Variants in SGCD observed in about 807,000 individuals in gnomAD.
SGCD encodes the protein sarcoglycan delta, also known as delta-sarcoglycan.
A neutral mutation model predicts 36.6 loss-of-function variants in SGCD; 18 were observed. The observed-to-expected ratio is 0.49, with a 90% CI of 0.34 to 0.73. The LOEUF is 0.73. Ranked by LOEUF, SGCD falls within the 30% of genes least tolerant of loss-of-function variation. The probability of loss-of-function intolerance (pLI) is 0.01; values close to 1 mark genes in which losing one functional copy is unlikely to be tolerated. For missense variants in SGCD, 387 were observed against 346.7 expected, an observed-to-expected ratio of 1.12 and a Z score of -0.92; for synonymous variants, 133 against 130.6, an observed-to-expected ratio of 1.02 and a Z score of -0.12.
At chr5:156,119,030 A>G (rs1335236254) in intron 2 of SGCD, among the ~76,000 whole-genome samples, 1 of 152,148 alleles carries the variant, frequency 6.6e-6, no homozygotes, top group Admixed American at 6.6e-5. Flanking sequence ...ACTGAGGCTG[A>G]CCACCTGTGG....
At chr5:156,682,895 G>A (rs1293521167) in intron 7 of SGCD, among the ~76,000 whole-genome samples, 2 of 152,218 alleles carry the variant, frequency 1.3e-5, no homozygotes, top group Admixed American at 1.3e-4. Flanking sequence ...TGGGCATTAA[G>A]CAAAGCTGAT....
intron 1 of SGCD, among the ~76,000 whole-genome samples, chr5:155,896,194 G>A (rs900155365): frequency 6.6e-6 from 1 of 152,172 alleles, no homozygotes; most frequent in African/African-American, 2.4e-5. Context: ...AGGAGAGAAT[G>A]TGCTGGAATG....
intron 3 of SGCD, among the ~76,000 whole-genome samples, chr5:156,445,812 G>A (rs974409112): frequency 2.6e-5 from 4 of 151,760 alleles, no homozygotes; most frequent in South Asian, 2.1e-4. Context: ...ACACACACAC[G>A]CACATGCACA....
At chr5:156,515,082 C>T (rs944296044) in intron 4 of SGCD, among the ~76,000 whole-genome samples, 8 of 152,064 alleles carry the variant, frequency 5.3e-5, no homozygotes, top group African/African-American at 1.7e-4. Context: ...TTATTACTCT[C>T]AAAGAAAACC....
chr5:156,155,116 C>T (rs1353485872), intron 3 of SGCD, among the ~76,000 whole-genome samples: 1 of 151,716 alleles, frequency 6.6e-6, no homozygotes, highest in Admixed American at 6.6e-5. Flanking sequence ...CTGCTGCTCT[C>T]TGGGACCAGG....
At chr5:156,077,454 T>C (rs557771966) in intron 1 of SGCD, among the ~76,000 whole-genome samples, 1 of 152,184 alleles carries the variant, frequency 6.6e-6, no homozygotes, top group African/African-American at 2.4e-5. Context: ...AATATTAAAT[T>C]TATCTTTATC....
the SGCD span, among the ~76,000 whole-genome samples, chr5:155,820,378 G>C: frequency 3.3e-5 from 5 of 152,112 alleles, no homozygotes; most frequent in South Asian, 2.1e-4. Flanking sequence ...TGTATGTACT[G>C]TCCGGGTGCA....
At chr5:156,436,111 G>C (rs965668529) in intron 3 of SGCD, among the ~76,000 whole-genome samples, 1 of 152,088 alleles carries the variant, frequency 6.6e-6, no homozygotes, top group African/African-American at 2.4e-5. Context: ...GTCACTCACC[G>C]GGCCACAGTT....
intron 3 of SGCD, among the ~76,000 whole-genome samples, chr5:156,249,293 G>A (rs1019426870): frequency 6.6e-6 from 1 of 152,184 alleles, no homozygotes; most frequent in Non-Finnish European, 1.5e-5. Context: ...GGCAGAGTGA[G>A]ATATTATGGA....
At position 155,999,095 on chromosome 5, in the gene SGCD, C is replaced by T. The variant is rs116205209; in HGVS notation, c.-281-118783C>T. On this transcript the variant is annotated intron_variant, in intron 1 of 9. Transcript: ENST00000517913. The stretch of plus-strand genomic sequence containing the variant: ...ACTTTAATGGGTTAAGCAAATGTAT[C>T]GAGATTTCTGCTGGATGGAGAAGCT... 6.9e-3 allele frequency among the ~76,000 whole-genome samples: 1,052 copies of T among 152,282 alleles called. 16 individuals are homozygous for T. The highest frequency in any genetic ancestry group is 0.024 in the African/African-American group (1,005 of 41,558).
chr5:155,957,888 G>A (rs1320564008), intron 1 of SGCD, among the ~76,000 whole-genome samples: 1 of 152,126 alleles, frequency 6.6e-6, no homozygotes, highest in East Asian at 1.9e-4. Context: ...GGAAACATGA[G>A]TACGTCATTC....
intron 1 of SGCD, among the ~76,000 whole-genome samples, chr5:156,115,969 G>T (rs1346488246): frequency 6.6e-6 from 1 of 152,106 alleles, no homozygotes; most frequent in Admixed American, 6.6e-5. Context: ...AGGCAATGAT[G>T]TCTTCTTACT....
intron 7 of SGCD, among the ~76,000 whole-genome samples, chr5:156,710,080 AG>A (rs1413599894): frequency 2.6e-5 from 4 of 152,220 alleles, no homozygotes; most frequent in African/African-American, 9.6e-5. Context: ...TTTCCTTATT[AG>A]TCTTATCCAC....
intron 1 of SGCD, among the ~76,000 whole-genome samples, chr5:156,029,030 A>G (rs1026233225): frequency 6.8e-5 from 10 of 148,022 alleles, no homozygotes; most frequent in African/African-American, 2.2e-4. Flanking sequence ...TTAGGCTTTT[A>G]TGTTTTTTTT....
intron 3 of SGCD, among the ~76,000 whole-genome samples, chr5:156,167,980 C>A (rs1369875122): frequency 6.6e-6 from 1 of 152,206 alleles, no homozygotes; most frequent in African/African-American, 2.4e-5. Flanking sequence ...TGCTTATCAG[C>A]ACCATGTCTT....
At chr5:155,811,427 G>T in the SGCD span, among the ~76,000 whole-genome samples, 3 of 152,044 alleles carry the variant, frequency 2.0e-5, no homozygotes, top group Non-Finnish European at 2.9e-5. Context: ...GAATAAATTT[G>T]GCCAAAAAAG....
At chr5:156,125,843 TTATTATTATTATTATTA>T (rs1561530104) in intron 3 of SGCD, among the ~76,000 whole-genome samples, 23 of 22,186 alleles carry the variant, frequency 1.0e-3, no homozygotes, top group African/African-American at 3.3e-3. Context: ...CATTCTTTTA[TTATTATTATTATTATTA>T]TTATTATTAT....
intron 1 of SGCD, among the ~76,000 whole-genome samples, chr5:155,984,705 C>G (rs752806022): frequency 6.6e-6 from 1 of 152,130 alleles, no homozygotes; most frequent in Non-Finnish European, 1.5e-5. Context: ...TTATGTCCCA[C>G]CTATGTGTAC....
chr5:156,709,009 A>G (rs1754866052), intron 7 of SGCD, among the ~76,000 whole-genome samples: 1 of 151,660 alleles, frequency 6.6e-6, no homozygotes, highest in East Asian at 1.9e-4. Context: ...CTATCAGCTA[A>G]TAAGAGCCTA....
Sources: gnomAD v4.1 joint callset for allele counts (sites outside exome capture counted in the v4.1 genomes callset) on GRCh38, gnomAD v4.1.1 for gene constraint, MANE v1.5 for transcripts, NCBI Gene and HGNC (gene_info 2026-07-23, HGNC 2026-07-21) for gene names.